CFAP47: variants seen among roughly 807,000 people sequenced by gnomAD.
CFAP47 encodes cilia- and flagella-associated protein 47.
CFAP47 carries 29 observed loss-of-function variants against 148.1 expected under a neutral mutation model. The ratio of observed to expected loss-of-function variants is 0.20; its 90% CI spans 0.15 to 0.27. The LOEUF (loss-of-function observed/expected upper bound fraction) is 0.27. Ranked by LOEUF, CFAP47 falls within the 10% of genes least tolerant of loss-of-function variation. The pLI is 1.00. For synonymous variants in CFAP47, 664 were observed against 577.3 expected (o/e 1.15, Z -2.15); for missense variants, 1,872 against 1,697.5 (o/e 1.10, Z -1.81).
intron 60 of CFAP47, among the ~76,000 whole-genome samples, chrX:36,354,979 T>C (rs1941774113): frequency 9.0e-6 from 1 of 111,152 alleles, no homozygotes; most frequent in Non-Finnish European, 1.9e-5. Flanking sequence ...TTGCAACCCA[T>C]ATATCTGATA....
intron 48 of CFAP47, among the ~76,000 whole-genome samples, chrX:36,248,492 T>C (rs952458404): frequency 4.2e-5 from 3 of 71,999 alleles, no homozygotes; most frequent in African/African-American, 2.7e-4. Flanking sequence ...TATCACATAT[T>C]ATATCACACA....
chrX:36,135,474 T>G (rs1356912209), intron 33 of CFAP47, among the ~76,000 whole-genome samples: 1 of 111,432 alleles, frequency 9.0e-6, no homozygotes, highest in Non-Finnish European at 1.9e-5. Context: ...CAACAACGAC[T>G]ATTGATTCAC....
At chrX:36,187,115 C>T (rs782646841) in intron 40 of CFAP47, among the ~76,000 whole-genome samples, 1 of 111,615 alleles carries the variant, frequency 9.0e-6, no homozygotes, top group East Asian at 2.8e-4. Context: ...AGAATTTTTC[C>T]AGTCAAATTA....
rs898569292 is a variant in CFAP47 at position 36,280,506 on chromosome X, T to C, written c.7464T>C (p.Thr2488=). 3 of 505,319 alleles carry C rather than the reference T, an allele frequency of 5.9e-6. No homozygotes were observed. The highest frequency in any genetic ancestry group is 2.3e-5 in the African/African-American group (1 of 43,031). The allele number at this position is 505,319 out of a possible 1,213,427, so 41.6% of individuals were successfully genotyped here. Residue 2488 remains threonine (T), a synonymous_variant, in exon 50 of 64, where the codon ACT becomes ACC. Coordinates refer to ENST00000378653, the MANE Select transcript of CFAP47 (RefSeq NM_001304548.2). ...GILKGTITFS[T]TRRCTTRRKH... is the part of the protein sequence containing the mutation. Reference sequence around the variant, plus strand: ...TTGTAGGTACAATTACATTTTCTACTACAAGAAGATGTACTACAAGAAGGA... The same window carrying C: ...TTGTAGGTACAATTACATTTTCTACCACAAGAAGATGTACTACAAGAAGGA...
chrX:36,151,269 A>G (rs1939303686), intron 37 of CFAP47, among the ~76,000 whole-genome samples: 1 of 112,342 alleles, frequency 8.9e-6, no homozygotes, highest in African/African-American at 3.2e-5. Flanking sequence ...ACCTAGAATT[A>G]CATCAAACAC....
At chrX:36,230,407 T>C (rs1940332663) in intron 46 of CFAP47, among the ~76,000 whole-genome samples, 1 of 109,592 alleles carries the variant, frequency 9.1e-6, no homozygotes, top group Non-Finnish European at 1.9e-5. Flanking sequence ...ATAAATGTCT[T>C]CTTTTGAGAA....
At chrX:36,131,870 A>T (rs1160805643) in intron 33 of CFAP47, among the ~76,000 whole-genome samples, 2 of 111,198 alleles carry the variant, frequency 1.8e-5, no homozygotes, top group South Asian at 3.7e-4. Flanking sequence ...ATGAGAAGTG[A>T]CAATTAATGA....
Position 36,367,062 on chromosome X carries a change from T to C in CFAP47, c.9120T>C (p.Ile3040=). 8.6e-7 allele frequency: 1 copy of C among 1,160,215 alleles called. No individual in the cohort carries two copies. The highest frequency in any genetic ancestry group is 3.3e-5 in the East Asian group (1 of 30,599). The change falls in exon 62 of 64, where the codon ATT becomes ATC. Residue 3040 remains isoleucine (I), a synonymous_variant. Coordinates refer to ENST00000378653, the MANE Select transcript of CFAP47 (RefSeq NM_001304548.2). ...CTGAACCTGATACGGATGCTGTCAT[T>C]GACATTGAAGGAGTTGGTTTATTTA... The part of the protein sequence containing the change: ...IATEPDTDAV[I]DIEGVGLFKE...
Position 36,201,338 on chromosome X carries a change from C to T in CFAP47, c.6501C>T (p.Asp2167=). The part of the protein sequence containing the change: ...KCKPYQILYV[D]LKLPMTNEAK... The stretch of plus-strand genomic sequence containing the variant: ...AACCCTATCAAATCCTGTATGTGGA[C>T]CTTAAATTGCCAATGACTAATGAAG... Residue 2167 remains aspartate (D), a synonymous_variant, in exon 44 of 64, where the codon GAC becomes GAT. Coordinates refer to ENST00000378653, the MANE Select transcript of CFAP47 (RefSeq NM_001304548.2). 1 of 296,846 alleles carries T rather than the reference C, an allele frequency of 3.4e-6. No individual in the cohort carries two copies. Among genetic ancestry groups the T allele is most frequent in the Non-Finnish European group, 5.9e-6 (1 of 169,989 alleles). 24.5% of individuals were successfully genotyped at this position (296,846 alleles called of 1,213,427 possible).
At position 36,126,959 on chromosome X, in the gene CFAP47, A is replaced by G. The variant is rs181468262; in HGVS notation, c.5321-10999A>G. ...TGATGGGGTTGTTTTTTTCTTGTAA[A>G]TTTGTTTAAGTTCTTTGTAGATTCT... On this transcript the variant is annotated intron_variant, in intron 33 of 63. Coordinates refer to ENST00000378653, the MANE Select transcript of CFAP47 (RefSeq NM_001304548.2). Among the ~76,000 whole-genome samples the G allele has an allele frequency of 1.6e-3, 175 of 111,793 alleles. 1 individual carries two copies. Among genetic ancestry groups the G allele is most frequent in the Middle Eastern group, 9.3e-3 (2 of 215 alleles).
chrX:36,366,155 C>T (rs1442221278), intron 61 of CFAP47, among the ~76,000 whole-genome samples: 1 of 111,460 alleles, frequency 9.0e-6, no homozygotes, highest in Non-Finnish European at 1.9e-5. Flanking sequence ...AGTAAGAGTT[C>T]CCAGAAATGT....
chrX:36,289,863 CTAGAGT>C (rs1556005304), intron 51 of CFAP47, among the ~76,000 whole-genome samples: 3 of 111,563 alleles, frequency 2.7e-5, no homozygotes, highest in Non-Finnish European at 5.6e-5. Context: ...AAGGCCGTGC[CTAGAGT>C]TAAATTGTCA....
At chrX:36,248,172 ATTATAT>A (rs1305535390) in intron 48 of CFAP47, among the ~76,000 whole-genome samples, 3 of 106,018 alleles carry the variant, frequency 2.8e-5, no homozygotes, top group Non-Finnish European at 5.8e-5. Context: ...TGTATTATGT[ATTATAT>A]TTATTATGTA....
chrX:36,166,943 C>T (rs1056912082), intron 39 of CFAP47, among the ~76,000 whole-genome samples: 1 of 111,708 alleles, frequency 9.0e-6, no homozygotes, highest in Non-Finnish European at 1.9e-5. Flanking sequence ...TTTTCCTGAC[C>T]ACACCCTTCT....
At chrX:36,234,995 C>G (rs1361598147) in intron 46 of CFAP47, among the ~76,000 whole-genome samples, 2 of 110,986 alleles carry the variant, frequency 1.8e-5, no homozygotes, top group East Asian at 2.9e-4. Context: ...CAGAGGAGTA[C>G]CCGGCCGTGT....
At chrX:36,140,940 C>T (rs1319563923) in intron 35 of CFAP47, among the ~76,000 whole-genome samples, 1 of 111,030 alleles carries the variant, frequency 9.0e-6, no homozygotes, top group African/African-American at 3.3e-5. Context: ...GTTTTGTTCC[C>T]TCATGCAAAG....
In CFAP47 at chrX:36,348,139, G is replaced by T; in HGVS notation, c.8454G>T (p.Leu2818=). ...TTGTGTGTTTTACAGGAATTGCACT[G>T]CCTCCTAAAGGAAATATAGATATCT... is the stretch of plus-strand genomic sequence containing the variant. The part of the protein sequence containing the change: ...SSPSEIQGIA[L]PPKGNIDISL... The change falls in exon 58 of 64, where the codon CTG becomes CTT. Residue 2818 remains leucine, a synonymous_variant. Coordinates refer to ENST00000378653, the MANE Select transcript of CFAP47 (RefSeq NM_001304548.2). 1 of 1,006,116 alleles carries T rather than the reference G, an allele frequency of 9.9e-7. No individual in the cohort carries two copies. The highest frequency in any genetic ancestry group is 2.0e-5 in the African/African-American group (1 of 49,394). The allele number at this position is 1,006,116 out of a possible 1,213,427, so 82.9% of individuals were successfully genotyped here.
chrX:36,146,630 C>A (rs1939236567), intron 36 of CFAP47, among the ~76,000 whole-genome samples: 1 of 111,373 alleles, frequency 9.0e-6, no homozygotes, highest in Non-Finnish European at 1.9e-5. Context: ...TGCTGAGAAT[C>A]TTTTATGTAT....
Position 35,953,789 on chromosome X carries a change from AT to A in CFAP47, c.1174+71del, listed in dbSNP as rs757454048. ...ATTGTTTAAAAATTTGAACATGAAT[AT>A]CTGTAGAGACAATCTAATAAAATAT... On this transcript the variant is annotated intron_variant, in intron 7 of 63. Transcript: ENST00000378653. 154 of 777,755 alleles carry A rather than the reference AT, an allele frequency of 2.0e-4. 1 individual carries two copies. In the South Asian group the frequency reaches 5.4e-3, roughly 27 times the overall value. The allele number at this position is 777,755 out of a possible 1,213,427, so 64.1% of individuals were successfully genotyped here.
Sources: allele counts gnomAD v4.1 joint callset (sites outside exome capture counted in the v4.1 genomes callset), GRCh38; gene constraint gnomAD v4.1.1; transcripts MANE v1.5; gene names NCBI Gene and HGNC (gene_info 2026-07-23, HGNC 2026-07-21).